Variants in NLGN1 observed in about 807,000 individuals in gnomAD.
The protein encoded by NLGN1 is neuroligin 1.
Under a neutral mutation model 65.5 loss-of-function variants are expected in NLGN1, and 12 were observed. That is an observed-to-expected ratio of 0.18 (90% CI 0.12 to 0.30). NLGN1 has a LOEUF of 0.30. Ranked by LOEUF, NLGN1 falls within the 10% of genes least tolerant of loss-of-function variation. The probability of loss-of-function intolerance (pLI) is 1.00; values close to 1 mark genes in which losing one functional copy is unlikely to be tolerated. For synonymous variants in NLGN1, 350 were observed against 359.5 expected (o/e 0.97, Z 0.30); for missense variants, 750 against 1,007.1 (o/e 0.74, Z 3.46).
chr3:173,907,777 G>T (rs1457306774), intron 4 of NLGN1, among the ~76,000 whole-genome samples: 1 of 151,750 alleles, frequency 6.6e-6, no homozygotes, highest in Non-Finnish European at 1.5e-5. Flanking sequence ...TAGAGACGGG[G>T]TTTCACCATG....
chr3:174,287,192 T>C (rs1318362465), downstream of NLGN1, among the ~76,000 whole-genome samples: 2 of 151,448 alleles, frequency 1.3e-5, no homozygotes, highest in Admixed American at 6.6e-5. Context: ...TACTGAAATA[T>C]TTATGGTTTT....
intron 4 of NLGN1, among the ~76,000 whole-genome samples, chr3:173,888,264 T>C (rs1734719130): frequency 6.6e-6 from 1 of 151,948 alleles, no homozygotes; most frequent in Non-Finnish European, 1.5e-5. Flanking sequence ...ACCCCAGAGA[T>C]ACCAAAATCC....
Position 173,989,485 on chromosome 3 carries a change from T to C in NLGN1, c.646+181653T>C, listed in dbSNP as rs78806047. 3.3e-3 allele frequency among the ~76,000 whole-genome samples: 500 copies of C among 152,294 alleles called. 2 individuals carry two copies. Among genetic ancestry groups the C allele is most frequent in the African/African-American group, 0.012 (486 of 41,570 alleles). ...ATACTTCCATGTCTGAGAAGCCTCC[T>C]TTAGGATTAATATATTTTTAAAAAA... On this transcript the variant is annotated intron_variant, in intron 4 of 6. Coordinates refer to ENST00000457714, the Ensembl canonical transcript of NLGN1.
chr3:174,248,528 G>A (rs529599785), intron 4 of NLGN1, among the ~76,000 whole-genome samples: 32 of 152,326 alleles, frequency 2.1e-4, no homozygotes, highest in African/African-American at 7.2e-4. Context: ...GGGAGGCCGA[G>A]GCAGGCGGAT....
chr3:174,230,791 T>C (rs1330400210), intron 4 of NLGN1, among the ~76,000 whole-genome samples: 1 of 152,014 alleles, frequency 6.6e-6, no homozygotes, highest in Non-Finnish European at 1.5e-5. Flanking sequence ...TTAAAAAAAA[T>C]AGAGAAATAA....
intron 4 of NLGN1, among the ~76,000 whole-genome samples, chr3:174,124,576 CATAT>C (rs568575339): frequency 1.5e-4 from 12 of 79,552 alleles, no homozygotes; most frequent in African/African-American, 1.2e-3. Flanking sequence ...TACGTATACA[CATAT>C]ATACGTATAT....
chr3:174,161,281 C>A (rs1726453940), intron 4 of NLGN1, among the ~76,000 whole-genome samples: 1 of 151,886 alleles, frequency 6.6e-6, no homozygotes, highest in African/African-American at 2.4e-5. Flanking sequence ...CTGTTACTCA[C>A]TGAATTTCAC....
intron 4 of NLGN1, among the ~76,000 whole-genome samples, chr3:174,150,154 T>C (rs1724054398): frequency 6.6e-6 from 1 of 152,154 alleles, no homozygotes; most frequent in African/African-American, 2.4e-5. Flanking sequence ...TATATAGCTA[T>C]TCAATAGAAA....
chr3:173,557,462 G>A (rs1741903410), intron 2 of NLGN1, among the ~76,000 whole-genome samples: 1 of 151,884 alleles, frequency 6.6e-6, no homozygotes, highest in South Asian at 2.1e-4. Context: ...TTATAAGATT[G>A]TGTTGAAGTC....
At chr3:173,419,901 A>G (rs1714652132) in intron 1 of NLGN1, among the ~76,000 whole-genome samples, 1 of 152,034 alleles carries the variant, frequency 6.6e-6, no homozygotes, top group Non-Finnish European at 1.5e-5. Flanking sequence ...TGAACCCAGG[A>G]GGCAGAAGTT....
chr3:173,998,318 C>A (rs1038624538), intron 4 of NLGN1, among the ~76,000 whole-genome samples: 4 of 152,180 alleles, frequency 2.6e-5, no homozygotes, highest in South Asian at 2.1e-4. Context: ...CTTTTCCATT[C>A]ACATGGAATT....
exon 3 of NLGN1, chr3:173,604,901 A>G: frequency 1.2e-6 from 2 of 1,613,618 alleles, no homozygotes; most frequent in Non-Finnish European, 1.7e-6. Context: ...CAGAACCACC[A>G]TCTCCCTGGT....
In NLGN1 at chr3:173,435,606, G is replaced by C. The variant is rs554291850; in HGVS notation, c.-321+528G>C. On this transcript the variant is annotated intron_variant, in intron 2 of 6. Coordinates refer to ENST00000457714, the Ensembl canonical transcript of NLGN1. ...TCCCAGCACTTTGGGAGACTGAGGT[G>C]GGGGCATATCACGAGGTCAGGAGAT... Among the ~76,000 whole-genome samples, 4 of 152,274 alleles carry C rather than the reference G, an allele frequency of 2.6e-5. No individual in the cohort carries two copies. The South Asian group carries it at 8.3e-4, about 32-fold the overall frequency.
At chr3:173,787,077 C>CA (rs5854539) in intron 3 of NLGN1, among the ~76,000 whole-genome samples, 21 of 143,306 alleles carry the variant, frequency 1.5e-4, no homozygotes, top group African/African-American at 3.1e-4. Context: ...AACTCCGTCT[C>CA]AAAAAAAAAA....
At chr3:173,977,476 C>G (rs1717762695) in intron 4 of NLGN1, among the ~76,000 whole-genome samples, 1 of 151,956 alleles carries the variant, frequency 6.6e-6, no homozygotes, top group Admixed American at 6.6e-5. Context: ...TTGGAATCTG[C>G]AGGATCATGT....
At chr3:174,120,904 T>C (rs1717634497) in intron 4 of NLGN1, among the ~76,000 whole-genome samples, 2 of 152,210 alleles carry the variant, frequency 1.3e-5, no homozygotes, top group Admixed American at 1.3e-4. Context: ...CTACTGGCTA[T>C]ATTCCTGACT....
chr3:173,962,838 G>T (rs1381901364), intron 4 of NLGN1, among the ~76,000 whole-genome samples: 1 of 152,042 alleles, frequency 6.6e-6, no homozygotes, highest in Non-Finnish European at 1.5e-5. Flanking sequence ...TTATCTGTCT[G>T]CAATTCTAAA....
intron 4 of NLGN1, among the ~76,000 whole-genome samples, chr3:174,105,362 A>G (rs990279590): frequency 2.5e-4 from 38 of 152,088 alleles, no homozygotes; most frequent in Admixed American, 4.6e-4. Flanking sequence ...ACATGGTTAA[A>G]CCCTGTCTCT....
intron 2 of NLGN1, among the ~76,000 whole-genome samples, chr3:173,546,132 C>T (rs1173590418): frequency 6.6e-6 from 1 of 151,950 alleles, no homozygotes; most frequent in Non-Finnish European, 1.5e-5. Context: ...AGATATGAAG[C>T]CCTGATGGAA....
Sources: allele counts gnomAD v4.1 joint callset (sites outside exome capture counted in the v4.1 genomes callset), GRCh38; gene constraint gnomAD v4.1.1; transcripts MANE v1.5; gene names NCBI Gene and HGNC (gene_info 2026-07-23, HGNC 2026-07-21).